Variants in CDH4 observed in about 807,000 individuals in gnomAD.
CDH4 encodes the protein cadherin-4.
A neutral mutation model predicts 86.0 loss-of-function variants in CDH4; 33 were observed. The ratio of observed to expected loss-of-function variants is 0.38; its 90% confidence interval spans 0.29 to 0.51. The LOEUF (loss-of-function observed/expected upper bound fraction) is 0.51, where lower values mean the gene tolerates loss of function less well. CDH4 is among the 20% of genes least tolerant of loss of function. CDH4 has a pLI of 0.86. For missense variants in CDH4, 1,114 were observed against 1,307.4 expected (o/e 0.85, Z 2.28); for synonymous variants, 555 against 549.4 (o/e 1.01, Z -0.14).
chr20:61,646,992 C>T (rs1180573467), intron 2 of CDH4, among the ~76,000 whole-genome samples: 2 of 152,314 alleles, frequency 1.3e-5, no homozygotes, highest in East Asian at 1.9e-4. Flanking sequence ...AGTGGGCTCT[C>T]GAGCGTTTGC....
chr20:61,499,080 C>T (rs868382915), intron 2 of CDH4, among the ~76,000 whole-genome samples: 16 of 152,162 alleles, frequency 1.1e-4, no homozygotes, highest in South Asian at 2.1e-4. Flanking sequence ...TCCATGCTTA[C>T]GGTGGTCCTC....
intron 3 of CDH4, among the ~76,000 whole-genome samples, chr20:61,746,198 G>A (rs930090672): frequency 9.2e-5 from 14 of 152,028 alleles, no homozygotes; most frequent in Non-Finnish European, 2.9e-5. Flanking sequence ...TACAAGCCAC[G>A]CCCTGGTGAA....
intron 2 of CDH4, among the ~76,000 whole-genome samples, chr20:61,434,376 A>C (rs1396416679): frequency 6.6e-6 from 1 of 152,200 alleles, no homozygotes; most frequent in Admixed American, 6.5e-5. Flanking sequence ...TGCAACTCTA[A>C]GCCCCGAGTT....
chr20:61,442,613 C>T (rs976893503), intron 2 of CDH4, among the ~76,000 whole-genome samples: 1 of 152,210 alleles, frequency 6.6e-6, no homozygotes. Flanking sequence ...GGCTGCGTTA[C>T]AGAGACTCAA....
intron 8 of CDH4, among the ~76,000 whole-genome samples, chr20:61,897,531 G>A (rs963958821): frequency 1.3e-5 from 2 of 151,808 alleles, no homozygotes; most frequent in Non-Finnish European, 2.9e-5. Flanking sequence ...CAGCCATGAG[G>A]ACTGACTAGC....
At chr20:61,797,626 CAAT>C (rs1392864459) in intron 4 of CDH4, among the ~76,000 whole-genome samples, 1 of 145,960 alleles carries the variant, frequency 6.9e-6, no homozygotes, top group East Asian at 2.0e-4. Flanking sequence ...CTCTACAAAA[CAAT>C]AAAAAAAAAT....
rs546689633 is a variant in CDH4, at chr20:61,695,889, A to G, written c.170-47674A>G. 3.7e-4 allele frequency among the ~76,000 whole-genome samples: 57 copies of G among 152,266 alleles called. 2 individuals carry two copies. The South Asian group carries it at 0.011, about 30-fold the overall frequency. The stretch of plus-strand genomic sequence containing the variant: ...ACACTGAGCTACACAGCAGGAAAGG[A>G]TGCAGCTCCTCCTGTGGGGTCTCCA... On this transcript the variant is annotated intron_variant, in intron 2 of 15. Coordinates refer to ENST00000614565, the MANE Select transcript of CDH4 (RefSeq NM_001794.5).
chr20:61,585,919 GGATGAT>G (rs1281024428), intron 2 of CDH4, among the ~76,000 whole-genome samples: 4 of 150,574 alleles, frequency 2.7e-5, no homozygotes, highest in Non-Finnish European at 5.9e-5. Flanking sequence ...GTGATGCGGA[GGATGAT>G]GGTGATGGTG....
chr20:61,661,998 T>C (rs1182011568), intron 2 of CDH4, among the ~76,000 whole-genome samples: 1 of 152,176 alleles, frequency 6.6e-6, no homozygotes, highest in Non-Finnish European at 1.5e-5. Context: ...GTACATGTTT[T>C]TTAAAAGGTT....
At chr20:61,779,127 G>A (rs1978396606) in intron 4 of CDH4, among the ~76,000 whole-genome samples, 1 of 152,188 alleles carries the variant, frequency 6.6e-6, no homozygotes. Flanking sequence ...TTCAGAATGA[G>A]GATAAAATGA....
intron 2 of CDH4, among the ~76,000 whole-genome samples, chr20:61,624,864 G>A (rs572233676): frequency 3.4e-4 from 52 of 152,176 alleles, no homozygotes; most frequent in Admixed American, 1.5e-3. Flanking sequence ...GCCCCTCACC[G>A]CCTGCCAGGC....
chr20:61,577,671 T>TA (rs1209235849), intron 2 of CDH4, among the ~76,000 whole-genome samples: 1 of 152,108 alleles, frequency 6.6e-6, no homozygotes, highest in African/African-American at 2.4e-5. Context: ...TGTGTGGGGC[T>TA]ACACATTTGA....
chr20:61,505,235 G>A (rs563501954), intron 2 of CDH4, among the ~76,000 whole-genome samples: 5 of 152,310 alleles, frequency 3.3e-5, no homozygotes, highest in Admixed American at 1.3e-4. Flanking sequence ...GACGAGAGCA[G>A]GAGAGAGCAG....
At position 61,829,779 on chromosome 20, in the gene CDH4, G is replaced by A. The variant is rs549332584; in HGVS notation, c.577-14889G>A. 7.9e-4 allele frequency among the ~76,000 whole-genome samples: 120 copies of A among 152,274 alleles called. No homozygotes were observed. The highest frequency in any genetic ancestry group is 2.8e-3 in the African/African-American group (117 of 41,554). On this transcript the variant is annotated intron_variant, in intron 4 of 15. Coordinates refer to ENST00000614565, the MANE Select transcript of CDH4 (RefSeq NM_001794.5). The surrounding 1 kb of genome is among the most constrained non-coding windows in gnomAD (Gnocchi z 4.2). ...TTGCTCAGCCTCCAGCTTTGGGGCT[G>A]ATGGCTCTGCCCCCAGGGAGTCTGT...
chr20:61,654,198 A>G (rs35038882), intron 2 of CDH4, among the ~76,000 whole-genome samples: 60,905 of 151,904 alleles, frequency 0.4, 12,579 homozygotes, highest in Non-Finnish European at 0.46. Context: ...CAAGGCTGGC[A>G]GATCACTCGC....
In CDH4 at chr20:61,513,268, C is replaced by T. The variant is rs545023789; in HGVS notation, c.170-230295C>T. Among the ~76,000 whole-genome samples, 7 of 152,316 alleles carry T rather than the reference C, an allele frequency of 4.6e-5. No individual in the cohort carries two copies. The South Asian group carries it at 1.5e-3, about 32-fold the overall frequency. ...TTGCTCAGGCCCACGGGCTGTGATG[C>T]CACAAGGCTGCTGGGCGCAGGGTGG... On this transcript the variant is annotated intron_variant, in intron 2 of 15. Transcript: ENST00000614565.
At chr20:61,896,799 C>T (rs1394098522) in intron 8 of CDH4, among the ~76,000 whole-genome samples, 1 of 152,242 alleles carries the variant, frequency 6.6e-6, no homozygotes, top group Admixed American at 6.5e-5. Context: ...AACCCCAGGG[C>T]CCTGAAGAAT....
intron 5 of CDH4, among the ~76,000 whole-genome samples, chr20:61,849,349 G>A (rs1199996999): frequency 6.6e-6 from 1 of 152,236 alleles, no homozygotes; most frequent in Admixed American, 6.5e-5. Flanking sequence ...GCCAGCAGGG[G>A]TGTGTTAGTT....
At chr20:61,335,301 T>C (rs1028848242) in intron 2 of CDH4, among the ~76,000 whole-genome samples, 29 of 152,250 alleles carry the variant, frequency 1.9e-4, no homozygotes, top group African/African-American at 6.8e-4. Flanking sequence ...ATTATATTCA[T>C]GTTGTTCAAA....
Sources: allele counts gnomAD v4.1 joint callset (sites outside exome capture counted in the v4.1 genomes callset), GRCh38; gene constraint gnomAD v4.1.1; non-coding constraint Gnocchi (gnomAD v3.1); transcripts MANE v1.5; gene names NCBI Gene and HGNC (gene_info 2026-07-23, HGNC 2026-07-21).